FAM83B: variants seen among roughly 807,000 people sequenced by gnomAD.
FAM83B encodes the protein scaffolding CK1 anchoring protein B, also known as protein FAM83B.
In FAM83B, 26 loss-of-function variants were observed where a neutral mutation model predicts 38.8. The observed-to-expected ratio is 0.67, with a 90% CI of 0.49 to 0.93. The LOEUF is 0.93. FAM83B is among the 40% of genes least tolerant of loss of function. The probability of loss-of-function intolerance (pLI) is 0.00; values close to 1 mark genes in which losing one functional copy is unlikely to be tolerated. For synonymous variants in FAM83B, 419 were observed against 423.1 expected (o/e 0.99, Z 0.12); for missense variants, 1,237 against 1,197.3 (o/e 1.03, Z -0.49).
chr6:54,913,623 G>A (rs2127585229), intron 2 of FAM83B, among the ~76,000 whole-genome samples: 1 of 151,690 alleles, frequency 6.6e-6, no homozygotes, highest in East Asian at 1.9e-4. Context: ...TAGCAAGAAT[G>A]TTATATACGA....
At chr6:54,913,902 T>A (rs1022578) in intron 2 of FAM83B, among the ~76,000 whole-genome samples, 67,864 of 150,258 alleles carry the variant, frequency 0.45, 16,004 homozygotes, top group East Asian at 0.82. Context: ...TCTTTTTTTT[T>A]TAAAAAAAAG....
intron 2 of FAM83B, among the ~76,000 whole-genome samples, chr6:54,896,126 G>A (rs1248923132): frequency 2.0e-5 from 3 of 151,980 alleles, no homozygotes; most frequent in Non-Finnish European, 2.9e-5. Context: ...TCCTGACCTC[G>A]TGATCCCCCC....
chr6:54,872,762 G>C (rs1173801844), intron 2 of FAM83B, among the ~76,000 whole-genome samples: 1 of 152,168 alleles, frequency 6.6e-6, no homozygotes, highest in Non-Finnish European at 1.5e-5. Flanking sequence ...ACTCCCACTT[G>C]AATTAGCGAG....
At chr6:54,909,707 T>A (rs2127584124) in intron 2 of FAM83B, among the ~76,000 whole-genome samples, 1 of 152,266 alleles carries the variant, frequency 6.6e-6, no homozygotes, top group East Asian at 1.9e-4. Flanking sequence ...AAGTAATAAG[T>A]AAGCAACAAG....
chr6:54,944,440 T>G lies in FAM83B; in HGVS notation c.*2433T>G, dbSNP rs1363529623. ...TAATTTCAAAGTAGTTCTTGGCAGA[T>G]GGCTAGAGAATACTGCAAGTGACCC... On this transcript the variant is annotated 3_prime_UTR_variant, in exon 5 of 5. Coordinates refer to ENST00000306858, the MANE Select transcript of FAM83B (RefSeq NM_001010872.3). 6.6e-6 allele frequency: 1 copy of G among 152,182 alleles called. No homozygotes were observed. Among genetic ancestry groups the G allele is most frequent in the Non-Finnish European group, 1.5e-5 (1 of 68,026 alleles). 9.4% of individuals were successfully genotyped at this position (152,182 alleles called of 1,614,324 possible).
rs191539363 is a variant in FAM83B, at chr6:54,873,574, T to C, written c.444+2884T>C. On this transcript the variant is annotated intron_variant, in intron 2 of 4. Transcript: ENST00000306858. ...CAGGATAAGCTTTCTGTTTTTGAAT[T>C]TTTTTCAGAGGGTAATTTATCTTTA... Among the ~76,000 whole-genome samples, 5 of 152,250 alleles carry C rather than the reference T, an allele frequency of 3.3e-5. No homozygotes were observed. In the East Asian group the frequency reaches 9.6e-4, roughly 29 times the overall value.
intron 2 of FAM83B, among the ~76,000 whole-genome samples, chr6:54,882,074 C>T (rs1480246857): frequency 5.3e-5 from 7 of 132,798 alleles, no homozygotes; most frequent in African/African-American, 1.7e-4. Context: ...TCATCCATGT[C>T]CCTGCAAAGG....
At position 54,944,830 on chromosome 6, in the gene FAM83B, G is replaced by A. The variant is rs1336266023; in HGVS notation, c.*2823G>A. 1 of 152,014 alleles carries A rather than the reference G, an allele frequency of 6.6e-6. No homozygotes were observed. Among genetic ancestry groups the A allele is most frequent in the Non-Finnish European group, 1.5e-5 (1 of 68,004 alleles). The allele number at this position is 152,014 out of a possible 1,614,324, so 9.4% of individuals were successfully genotyped here. A position where few individuals can be genotyped will look rare whatever the true frequency, so the allele number is the denominator to read the frequency against. Reference sequence around the variant, plus strand: ...AAAATAACTTTATCATGATATTCAGGTAGATCCTGGGTTCTAGAATATTTA... The same window carrying A: ...AAAATAACTTTATCATGATATTCAGATAGATCCTGGGTTCTAGAATATTTA... On this transcript the variant is annotated 3_prime_UTR_variant, in exon 5 of 5. Coordinates refer to ENST00000306858, the MANE Select transcript of FAM83B (RefSeq NM_001010872.3).
intron 1 of FAM83B, among the ~76,000 whole-genome samples, chr6:54,863,621 A>G (rs1771636583): frequency 6.6e-6 from 1 of 151,532 alleles, no homozygotes; most frequent in Non-Finnish European, 1.5e-5. Flanking sequence ...CTTTGGACTA[A>G]AAGTTCCAAT....
At chr6:54,938,815 G>C (rs1175724536) in intron 4 of FAM83B, among the ~76,000 whole-genome samples, 2 of 152,020 alleles carry the variant, frequency 1.3e-5, no homozygotes, top group Admixed American at 6.6e-5. Context: ...TCTGTGGGCT[G>C]TCTGTTTACT....
At chr6:54,883,873 C>G (rs1256456491) in intron 2 of FAM83B, among the ~76,000 whole-genome samples, 2 of 151,046 alleles carry the variant, frequency 1.3e-5, no homozygotes, top group Non-Finnish European at 2.9e-5. Context: ...TGTGTTCTAT[C>G]AAAGAAATAC....
At chr6:54,922,237 G>C (rs556768904) in intron 2 of FAM83B, among the ~76,000 whole-genome samples, 1 of 152,040 alleles carries the variant, frequency 6.6e-6, no homozygotes, top group East Asian at 1.9e-4. Flanking sequence ...AAAGTAATGT[G>C]TTACATGCAG....
chr6:54,874,483 G>A (rs539961016), intron 2 of FAM83B, among the ~76,000 whole-genome samples: 2 of 152,172 alleles, frequency 1.3e-5, no homozygotes, highest in East Asian at 3.9e-4. Context: ...TGTCTAGCCA[G>A]ACTTTTCCCA....
intron 2 of FAM83B, among the ~76,000 whole-genome samples, chr6:54,879,311 A>C (rs563570944): frequency 1.3e-5 from 2 of 152,360 alleles, no homozygotes. Context: ...TAAATACAGA[A>C]TATGAGATAA....
intron 2 of FAM83B, among the ~76,000 whole-genome samples, chr6:54,883,625 C>T (rs938788762): frequency 1.2e-4 from 18 of 151,802 alleles, no homozygotes; most frequent in Non-Finnish European, 2.6e-4. Context: ...CGTGAGCCAC[C>T]GCACCTGGCC....
chr6:54,877,202 GAT>G (rs1470508451), intron 2 of FAM83B, among the ~76,000 whole-genome samples: 2 of 152,242 alleles, frequency 1.3e-5, no homozygotes, highest in African/African-American at 4.8e-5. Context: ...TGGAAGAAGA[GAT>G]AACTTGACCA....
At chr6:54,934,858 G>A (rs775186030) in intron 4 of FAM83B, among the ~76,000 whole-genome samples, 4 of 152,048 alleles carry the variant, frequency 2.6e-5, no homozygotes, top group Admixed American at 1.3e-4. Context: ...CTTTTGATCC[G>A]ATGTTGAATT....
At chr6:54,847,285 G>A (rs1031139781) in intron 1 of FAM83B, among the ~76,000 whole-genome samples, 2 of 151,992 alleles carry the variant, frequency 1.3e-5, no homozygotes, top group Non-Finnish European at 2.9e-5. Context: ...GGGGGGTTCC[G>A]GGAAAAGGTG....
rs73432365 is a variant in FAM83B, at chr6:54,934,683, T to C, written c.735-5023T>C. Among the ~76,000 whole-genome samples, 337 of 152,246 alleles carry C rather than the reference T, an allele frequency of 2.2e-3. 3 individuals carry two copies. The highest frequency in any genetic ancestry group is 7.7e-3 in the African/African-American group (322 of 41,564). ...TGAGTTCAGACTTTCTCTGGATTGG[T>C]TTCTGCTGAAGTAAACCTTAGATTC... is the stretch of plus-strand genomic sequence containing the variant. On this transcript the variant is annotated intron_variant, in intron 4 of 4. Coordinates refer to ENST00000306858, the MANE Select transcript of FAM83B (RefSeq NM_001010872.3).
Sources: gnomAD v4.1 joint callset for allele counts (sites outside exome capture counted in the v4.1 genomes callset) on GRCh38, gnomAD v4.1.1 for gene constraint, MANE v1.5 for transcripts, NCBI Gene and HGNC (gene_info 2026-07-23, HGNC 2026-07-21) for gene names.